The following SLC22A2 variants were observed in gnomAD, a reference collection of about 807,000 sequenced individuals.
SLC22A2 encodes the protein solute carrier family 22 member 2, also known as organic cation transporter 2.
SLC22A2 carries 46 observed loss-of-function variants against 60.5 expected under a neutral mutation model. The ratio of observed to expected loss-of-function variants is 0.76; its 90% CI spans 0.60 to 0.97. The LOEUF (loss-of-function observed/expected upper bound fraction) is 0.97. Ranked by LOEUF, SLC22A2 falls within the 50% of genes least tolerant of loss-of-function variation. The probability of loss-of-function intolerance (pLI) is 0.00; values close to 1 mark genes in which losing one functional copy is unlikely to be tolerated. For missense variants in SLC22A2, 701 were observed against 706.6 expected, an observed-to-expected ratio of 0.99 and a Z score of 0.09; for synonymous variants, 303 against 267.0, an observed-to-expected ratio of 1.13 and a Z score of -1.31.
intron 1 of SLC22A2, chr6:160,257,740 A>G (rs1433809790): frequency 1.3e-5 from 2 of 152,048 alleles, no homozygotes; most frequent in Non-Finnish European, 2.9e-5. Context: ...AGCAAGCTCC[A>G]TTTTTTGTCT....
At chr6:160,254,464 G>C (rs188125972) in intron 2 of SLC22A2, among the ~76,000 whole-genome samples, 1 of 152,046 alleles carries the variant, frequency 6.6e-6, no homozygotes, top group African/African-American at 2.4e-5. Context: ...ATGCCTTACT[G>C]TTTTTTTAAA....
chr6:160,253,233 T>C (rs900920392), intron 2 of SLC22A2, among the ~76,000 whole-genome samples: 6 of 152,228 alleles, frequency 3.9e-5, no homozygotes, highest in South Asian at 2.1e-4. Context: ...GTCTGTTCTG[T>C]ACTCATATTT....
chr6:160,226,360 C>T (rs374673320), intron 9 of SLC22A2, among the ~76,000 whole-genome samples: 66 of 152,262 alleles, frequency 4.3e-4, no homozygotes, highest in African/African-American at 1.5e-3. Flanking sequence ...CCCACACAGC[C>T]GGCTCTGTGT....
intron 3 of SLC22A2, among the ~76,000 whole-genome samples, chr6:160,250,212 C>G (rs1370774325): frequency 2.6e-5 from 4 of 152,160 alleles, no homozygotes; most frequent in Non-Finnish European, 1.5e-5. Flanking sequence ...TACTATATCT[C>G]TCATCACTGA....
chr6:160,236,583 A>T (rs1156489525), intron 9 of SLC22A2, among the ~76,000 whole-genome samples: 6 of 152,230 alleles, frequency 3.9e-5, no homozygotes, highest in African/African-American at 1.4e-4. Context: ...AACAGGACAC[A>T]GTTGGAGAAA....
intron 4 of SLC22A2, among the ~76,000 whole-genome samples, chr6:160,248,846 C>A (rs1413322414): frequency 6.6e-6 from 1 of 152,182 alleles, no homozygotes; most frequent in Non-Finnish European, 1.5e-5. Context: ...TCTGCTTTCT[C>A]CACCCTAAAG....
chr6:160,258,786 G>C lies in SLC22A2; in HGVS notation c.-29C>G, dbSNP rs1010458313. 2.6e-6 allele frequency: 4 copies of C among 1,511,998 alleles called. No homozygotes were observed. The African/African-American group carries it at 4.2e-5, about 16-fold the overall frequency. The allele number at this position is 1,511,998 out of a possible 1,614,324, so 93.7% of individuals were successfully genotyped here. The stretch of plus-strand genomic sequence containing the variant: ...CCTGCAGGCAGGAGGGCCCGAGGCT[G>C]CCCGACGTGCCCGGAGCGAGGCTGA... On this transcript the variant is annotated 5_prime_UTR_variant, in exon 1 of 11. Transcript: ENST00000366953.
intron 9 of SLC22A2, among the ~76,000 whole-genome samples, chr6:160,231,252 A>G (rs1782819260): frequency 6.6e-6 from 1 of 151,714 alleles, no homozygotes; most frequent in Non-Finnish European, 1.5e-5. Flanking sequence ...CAGTTCCCTT[A>G]TTAGGCCAAG....
chr6:160,222,851 T>A (rs1175202065), intron 10 of SLC22A2, among the ~76,000 whole-genome samples: 11 of 152,232 alleles, frequency 7.2e-5, no homozygotes, highest in Non-Finnish European at 1.6e-4. Flanking sequence ...CCAAATCTTC[T>A]GCTTTTTAAA....
intron 9 of SLC22A2, among the ~76,000 whole-genome samples, chr6:160,233,070 T>G (rs985673524): frequency 1.3e-5 from 2 of 151,988 alleles, no homozygotes; most frequent in Non-Finnish European, 2.9e-5. Flanking sequence ...GCTATTCCAC[T>G]ACTCCCCAGG....
At chr6:160,243,335 A>G (rs1221690806) in intron 7 of SLC22A2, among the ~76,000 whole-genome samples, 1 of 152,030 alleles carries the variant, frequency 6.6e-6, no homozygotes, top group Non-Finnish European at 1.5e-5. Flanking sequence ...GATGGCCTGT[A>G]GCATGGGGCT....
intron 10 of SLC22A2, among the ~76,000 whole-genome samples, chr6:160,220,597 A>G (rs1469786205): frequency 1.3e-5 from 2 of 152,226 alleles, no homozygotes; most frequent in Non-Finnish European, 2.9e-5. Flanking sequence ...CATCTACGGT[A>G]GCTATAGCCT....
rs569373790 is a variant in SLC22A2, at chr6:160,246,782, G to A, written c.957+402C>T. Among the ~76,000 whole-genome samples the A allele has an allele frequency of 7.3e-4, 111 of 152,272 alleles. 1 individual carries two copies. Among genetic ancestry groups the A allele is most frequent in the Non-Finnish European group, 1.2e-3 (85 of 68,018 alleles). On this transcript the variant is annotated intron_variant, in intron 5 of 10. Transcript: ENST00000366953. Reference sequence around the variant, plus strand: ...GCTTTTTGGACAATTTCTATCCAAAGTGTTTACAATTCTAAGAAATCATGT... The same window carrying A: ...GCTTTTTGGACAATTTCTATCCAAAATGTTTACAATTCTAAGAAATCATGT...
intron 9 of SLC22A2, among the ~76,000 whole-genome samples, chr6:160,238,178 C>T (rs1203973665): frequency 6.6e-6 from 1 of 152,214 alleles, no homozygotes; most frequent in Non-Finnish European, 1.5e-5. Context: ...GATCCAAGAA[C>T]CCTCTCTTGG....
At chr6:160,227,906 C>T (rs1360193966) in intron 9 of SLC22A2, among the ~76,000 whole-genome samples, 1 of 152,226 alleles carries the variant, frequency 6.6e-6, no homozygotes, top group Non-Finnish European at 1.5e-5. Context: ...CATTGCTACA[C>T]TCCCACCAGT....
intron 9 of SLC22A2, among the ~76,000 whole-genome samples, chr6:160,234,667 T>A (rs1243168368): frequency 6.6e-6 from 1 of 152,244 alleles, no homozygotes; most frequent in South Asian, 2.1e-4. Context: ...GTTTCCACCA[T>A]CCAACAGATA....
rs1783169502 is a variant in SLC22A2 at position 160,250,688 on chromosome 6, A to G, written c.533T>C (p.Leu178Pro). 1 of 1,614,048 alleles carries G rather than the reference A, an allele frequency of 6.2e-7. No individual in the cohort carries two copies. Among genetic ancestry groups the G allele is most frequent in the South Asian group, 1.1e-5 (1 of 91,064 alleles). ...GYIADRFGRK[L>P]CLLTTVLINA... The stretch of plus-strand genomic sequence containing the variant: ...TATGAGGACTGTAGTTAGGAGGCAG[A>G]GCTTACGGCCAAACCTGCAGGAAGA... The change falls in exon 3 of 11, where the codon CTC becomes CCC. Residue 178 changes from leucine (L) to proline (P), a missense_variant. Leu to Pro is a moderately conservative substitution (Grantham distance 98, BLOSUM62 -3). Transcript: ENST00000366953.
Position 160,247,260 on chromosome 6 carries a change from T to C in SLC22A2, c.881A>G (p.Asn294Ser). 6.2e-7 allele frequency: 1 copy of C among 1,613,632 alleles called. No individual in the cohort carries two copies. Among genetic ancestry groups the C allele is most frequent in the Non-Finnish European group, 8.5e-7 (1 of 1,179,540 alleles). The change falls in exon 5 of 11, where the codon AAT (asparagine) becomes AGT (serine). Residue 294 changes from asparagine to serine, a missense_variant. By Grantham distance (46) the Asn-to-Ser change is conservative (BLOSUM62 1). Coordinates refer to ENST00000366953, the MANE Select transcript of SLC22A2 (RefSeq NM_003058.4). ...GATTCTCATGGCTTCAGCATTCTTA[T>C]TCTGGGAGATCAGCCACCTGGGAGA... ...PESPRWLISQ[N>S]KNAEAMRIIK...
chr6:160,241,192 A>T (rs1782994638), intron 9 of SLC22A2, among the ~76,000 whole-genome samples: 1 of 152,164 alleles, frequency 6.6e-6, no homozygotes, highest in African/African-American at 2.4e-5. Context: ...TCTCTTCAAC[A>T]TTCTGCCTCT....
Sources: allele counts gnomAD v4.1 joint callset (sites outside exome capture counted in the v4.1 genomes callset), GRCh38; gene constraint gnomAD v4.1.1; transcripts MANE v1.5; gene names NCBI Gene and HGNC (gene_info 2026-07-23, HGNC 2026-07-21).